Variants in PDE8B observed in about 807,000 individuals in gnomAD.
PDE8B encodes high affinity cAMP-specific and IBMX-insensitive 3',5'-cyclic phosphodiesterase 8B.
PDE8B carries 26 observed loss-of-function variants against 101.3 expected under a neutral mutation model. The ratio of observed to expected loss-of-function variants is 0.26; its 90% CI spans 0.19 to 0.36. PDE8B has a LOEUF of 0.36. PDE8B is among the 10% of genes least tolerant of loss of function. The probability of loss-of-function intolerance (pLI) is 1.00; values close to 1 mark genes in which losing one functional copy is unlikely to be tolerated. For missense variants in PDE8B, 810 were observed against 1,163.1 expected, an observed-to-expected ratio of 0.70 and a Z score of 4.42; for synonymous variants, 424 against 429.3, an observed-to-expected ratio of 0.99 and a Z score of 0.15.
At chr5:77,212,729 T>G (rs771008097) in intron 1 of PDE8B, among the ~76,000 whole-genome samples, 8 of 152,150 alleles carry the variant, frequency 5.3e-5, no homozygotes, top group Non-Finnish European at 8.8e-5. Context: ...ACGCTATACT[T>G]TGCTTTTGTC....
chr5:77,417,029 T>C (rs1366277645), intron 17 of PDE8B, among the ~76,000 whole-genome samples: 1 of 152,058 alleles, frequency 6.6e-6, no homozygotes, highest in Non-Finnish European at 1.5e-5. Context: ...CAATTCCTGC[T>C]TCTCCTTCAG....
chr5:77,190,726 T>C, the PDE8B span, among the ~76,000 whole-genome samples: 2 of 152,234 alleles, frequency 1.3e-5, no homozygotes, highest in African/African-American at 4.8e-5. Context: ...CTCTAGCATA[T>C]GAACTGGTTG....
At chr5:77,180,712 T>C in the PDE8B span, among the ~76,000 whole-genome samples, 1 of 152,212 alleles carries the variant, frequency 6.6e-6, no homozygotes, top group African/African-American at 2.4e-5. Flanking sequence ...AGTGTAACCG[T>C]CAGGTTTATT....
intron 1 of PDE8B, among the ~76,000 whole-genome samples, chr5:77,251,679 T>C (rs1758091142): frequency 6.6e-6 from 1 of 152,178 alleles, no homozygotes; most frequent in South Asian, 2.1e-4. Context: ...TCCCACTGTA[T>C]CCACCGCATC....
the PDE8B span, among the ~76,000 whole-genome samples, chr5:77,098,276 C>T: frequency 1.4e-5 from 2 of 138,976 alleles, no homozygotes; most frequent in Non-Finnish European, 3.1e-5. Flanking sequence ...TCAGACCCAC[C>T]TTCCTCTTTT....
At chr5:77,098,538 C>T in the PDE8B span, 1 of 152,178 alleles carries the variant, frequency 6.6e-6, no homozygotes, top group Non-Finnish European at 1.5e-5. Flanking sequence ...TCAAGTGATC[C>T]TTCCACCTCA....
At chr5:77,392,430 T>TA (rs941708802) in intron 10 of PDE8B, among the ~76,000 whole-genome samples, 1 of 152,132 alleles carries the variant, frequency 6.6e-6, no homozygotes. Context: ...TGTGCACCAT[T>TA]ACCCCCAGAC....
the PDE8B span, chr5:77,088,774 G>C: frequency 2.0e-5 from 3 of 152,308 alleles, no homozygotes; most frequent in Admixed American, 2.0e-4. Context: ...ACGGGTACAG[G>C]ATAGGGGGTC....
rs544818065 is a variant in PDE8B at position 77,322,660 on chromosome 5, G to A, written c.400-2879G>A. ...CTTGCCTTCAGGCATTTGCTCACAC[G>A]TCACTTTCTCAGCAGGACCTATTCT... On this transcript the variant is annotated intron_variant, in intron 2 of 21. Coordinates refer to ENST00000264917, the MANE Select transcript of PDE8B (RefSeq NM_003719.5). Among the ~76,000 whole-genome samples the A allele has an allele frequency of 3.9e-5, 6 of 152,212 alleles. No individual in the cohort carries two copies. The South Asian group carries it at 1.2e-3, about 32-fold the overall frequency.
the PDE8B span, among the ~76,000 whole-genome samples, chr5:77,127,162 A>C: frequency 2.6e-5 from 4 of 152,144 alleles, no homozygotes; most frequent in African/African-American, 7.2e-5. Flanking sequence ...TACCCAGGTG[A>C]ATGGTTTGGC....
Position 77,312,144 on chromosome 5 carries a change from C to G in PDE8B, c.399+91C>G, listed in dbSNP as rs1772811575. 5.7e-6 allele frequency: 5 copies of G among 880,178 alleles called. No individual in the cohort carries two copies. The South Asian group carries it at 6.9e-5, about 12-fold the overall frequency. 54.5% of individuals were successfully genotyped at this position (880,178 alleles called of 1,614,324 possible). A position where few individuals can be genotyped will look rare whatever the true frequency, so the allele number is the denominator to read the frequency against. On this transcript the variant is annotated intron_variant, in intron 2 of 21. Coordinates refer to ENST00000264917, the MANE Select transcript of PDE8B (RefSeq NM_003719.5). ...TTTGAGATGGAGCCTCCTTCTGTTGCCCAGGCTGGAGTGTAGAGGCTCAGT... is the reference window on the plus strand; with the variant it reads ...TTTGAGATGGAGCCTCCTTCTGTTGGCCAGGCTGGAGTGTAGAGGCTCAGT...
At chr5:77,179,102 C>A in the PDE8B span, among the ~76,000 whole-genome samples, 4 of 152,186 alleles carry the variant, frequency 2.6e-5, no homozygotes, top group Admixed American at 6.5e-5. Flanking sequence ...CATTGGGAGT[C>A]ATCTTGAAGT....
intron 1 of PDE8B, among the ~76,000 whole-genome samples, chr5:77,232,486 T>C (rs1467529651): frequency 6.6e-6 from 1 of 152,268 alleles, no homozygotes; most frequent in East Asian, 1.9e-4. Flanking sequence ...TTTAGTTTAA[T>C]GTCTTTCGTA....
intron 1 of PDE8B, among the ~76,000 whole-genome samples, chr5:77,294,686 C>T (rs939607423): frequency 2.0e-5 from 3 of 149,880 alleles, no homozygotes; most frequent in Non-Finnish European, 3.0e-5. Context: ...AAAGGAAGGT[C>T]GAACTGGAAG....
At chr5:77,220,855 G>T (rs903380919) in intron 1 of PDE8B, among the ~76,000 whole-genome samples, 2 of 152,142 alleles carry the variant, frequency 1.3e-5, no homozygotes, top group African/African-American at 4.8e-5. Context: ...GAGCTGAGGG[G>T]CTCAGGTGGT....
At chr5:77,342,019 A>G (rs1006792139) in intron 6 of PDE8B, among the ~76,000 whole-genome samples, 1 of 152,216 alleles carries the variant, frequency 6.6e-6, no homozygotes, top group Non-Finnish European at 1.5e-5. Context: ...CATTTCTGCA[A>G]CTATAGGAAT....
chr5:77,193,014 A>G, the PDE8B span, among the ~76,000 whole-genome samples: 2 of 152,214 alleles, frequency 1.3e-5, no homozygotes, highest in South Asian at 2.1e-4. Flanking sequence ...ATTTTGCCCA[A>G]TTTTTAAAAT....
rs1748080109 is a variant in PDE8B, at chr5:77,210,748, T to G, written c.-178T>G. On this transcript the variant is annotated 5_prime_UTR_variant, in exon 1 of 22. Transcript: ENST00000264917. This position sits in a 1 kb window ranked among gnomAD's most constrained non-coding sequence, Gnocchi z 4.9. ...GGGAAAGTTGGGGTGACGCGCGCGG[T>G]CCCCGGAGGCTCGGCGGGGGGCACC... is the stretch of plus-strand genomic sequence containing the variant. 1.0e-6 allele frequency: 1 copy of G among 980,800 alleles called. No homozygotes were observed. Among genetic ancestry groups the G allele is most frequent in the Non-Finnish European group, 1.2e-6 (1 of 828,746 alleles). The allele number at this position is 980,800 out of a possible 1,614,324, so 60.8% of individuals were successfully genotyped here. A position where few individuals can be genotyped will look rare whatever the true frequency, so the allele number is the denominator to read the frequency against.
In PDE8B at chr5:77,233,696, G is replaced by GTGTGTGTA. The variant is rs1554061218; in HGVS notation, c.339+22436_339+22437insTGTATGTG. 1.4e-5 allele frequency among the ~76,000 whole-genome samples: 2 copies of GTGTGTGTA among 143,004 alleles called. 1 individual carries two copies. The highest frequency in any genetic ancestry group is 5.4e-5 in the African/African-American group (2 of 37,308). The allele number at this position is 143,004 out of a possible 152,430, so 93.8% of individuals were successfully genotyped here. On this transcript the variant is annotated intron_variant, in intron 1 of 21. Transcript: ENST00000264917. ...TGTGTGTGTGTGTGTGTGTGTGTGT[G>GTGTGTGTA]TGTGCAGTAGACTTTTGTTGCATTA...
Sources: allele counts gnomAD v4.1 joint callset (sites outside exome capture counted in the v4.1 genomes callset), GRCh38; gene constraint gnomAD v4.1.1; non-coding constraint Gnocchi (gnomAD v3.1); transcripts MANE v1.5; gene names NCBI Gene and HGNC (gene_info 2026-07-23, HGNC 2026-07-21).